DPP10: variants seen among roughly 807,000 people sequenced by gnomAD.
DPP10 encodes the protein dipeptidyl peptidase like 10, also known as inactive dipeptidyl peptidase 10.
In DPP10, 33 loss-of-function variants were observed where a neutral mutation model predicts 120.9. That is an observed-to-expected ratio of 0.27 (90% CI 0.21 to 0.37). The LOEUF (loss-of-function observed/expected upper bound fraction) is 0.37. DPP10 is among the 10% of genes least tolerant of loss of function. The probability of loss-of-function intolerance (pLI) is 1.00; values close to 1 mark genes in which losing one functional copy is unlikely to be tolerated. For missense variants in DPP10, 816 were observed against 942.8 expected, an observed-to-expected ratio of 0.87 and a Z score of 1.76; for synonymous variants, 337 against 326.1, an observed-to-expected ratio of 1.03 and a Z score of -0.36.
At chr2:114,671,848 C>T (rs1482913649) in intron 1 of DPP10, among the ~76,000 whole-genome samples, 2 of 152,088 alleles carry the variant, frequency 1.3e-5, no homozygotes, top group Non-Finnish European at 2.9e-5. Context: ...ATATATTAAG[C>T]ATCTACTAAA....
At chr2:114,835,279 CATATCTACACACCT>C (rs1179695746) in intron 1 of DPP10, 3 of 147,204 alleles carry the variant, frequency 2.0e-5, no homozygotes, top group South Asian at 2.2e-4. Context: ...ATATATAGGC[CATATCTACACACCT>C]ATGTATATAT....
intron 1 of DPP10, among the ~76,000 whole-genome samples, chr2:114,851,735 T>C (rs181360473): frequency 6.6e-6 from 1 of 152,290 alleles, no homozygotes; most frequent in East Asian, 1.9e-4. Context: ...TGGTTTTCAA[T>C]CATGTAGGTC....
chr2:115,444,367 C>T lies in DPP10; in HGVS notation c.272-55143C>T, dbSNP rs577149219. On this transcript the variant is annotated intron_variant, in intron 3 of 25. Transcript: ENST00000410059. ...TTAACATGACGGTTAGACTCAGGCA[C>T]CTGCACTTTCCAAAGATCTTTGAAC... Among the ~76,000 whole-genome samples, 7 of 152,252 alleles carry T rather than the reference C, an allele frequency of 4.6e-5. No homozygotes were observed. In the South Asian group the frequency reaches 1.2e-3, roughly 27 times the overall value.
At chr2:115,006,181 AC>A (rs1341679126) in intron 1 of DPP10, among the ~76,000 whole-genome samples, 1 of 152,126 alleles carries the variant, frequency 6.6e-6, no homozygotes, top group Non-Finnish European at 1.5e-5. Flanking sequence ...AGATTTTGTC[AC>A]CACCAGGCCT....
At chr2:114,944,994 T>A (rs2104598983) in intron 1 of DPP10, among the ~76,000 whole-genome samples, 1 of 152,346 alleles carries the variant, frequency 6.6e-6, no homozygotes, top group South Asian at 2.1e-4. Context: ...GAGAAAAGGT[T>A]AGTCTCTTCA....
At chr2:114,617,357 G>A (rs1408133076) in intron 1 of DPP10, among the ~76,000 whole-genome samples, 1 of 152,078 alleles carries the variant, frequency 6.6e-6, no homozygotes, top group Non-Finnish European at 1.5e-5. Flanking sequence ...GAATTATTTA[G>A]AGTTTATAGC....
chr2:115,358,905 T>C (rs1025548273), intron 3 of DPP10, among the ~76,000 whole-genome samples: 1 of 152,118 alleles, frequency 6.6e-6, no homozygotes, highest in Non-Finnish European at 1.5e-5. Context: ...ACTCACTCAC[T>C]ATCACAAGAA....
At chr2:115,181,461 CAT>C (rs1491105300) in intron 1 of DPP10, among the ~76,000 whole-genome samples, 2 of 152,166 alleles carry the variant, frequency 1.3e-5, no homozygotes, top group Non-Finnish European at 2.9e-5. Flanking sequence ...AGACTTCACT[CAT>C]ATGTCTTGTA....
At chr2:115,137,165 G>A (rs949549049) in intron 1 of DPP10, among the ~76,000 whole-genome samples, 2 of 152,180 alleles carry the variant, frequency 1.3e-5, no homozygotes, top group African/African-American at 2.4e-5. Context: ...GGCATATCCA[G>A]CATCACCTTT....
At chr2:114,517,521 CA>C (rs70937285) in intron 1 of DPP10, among the ~76,000 whole-genome samples, 37,380 of 123,714 alleles carry the variant, frequency 0.3, 4,444 homozygotes, top group Non-Finnish European at 0.37. Context: ...GACTCCGTCT[CA>C]AAAAAAAAAA....
intron 1 of DPP10, among the ~76,000 whole-genome samples, chr2:114,971,974 G>A (rs1205062669): frequency 1.3e-5 from 2 of 152,134 alleles, no homozygotes. Flanking sequence ...TGGATTCAGT[G>A]TGTCATCCTT....
chr2:115,625,838 A>G (rs2085314344), intron 5 of DPP10, among the ~76,000 whole-genome samples: 1 of 152,058 alleles, frequency 6.6e-6, no homozygotes, highest in African/African-American at 2.4e-5. Flanking sequence ...AAGAATGAAG[A>G]AAGTTTTCTC....
At chr2:115,059,283 T>A (rs1282265461) in intron 1 of DPP10, among the ~76,000 whole-genome samples, 1 of 151,998 alleles carries the variant, frequency 6.6e-6, no homozygotes, top group East Asian at 1.9e-4. Context: ...CACGCAAGTT[T>A]TAAAGAGTCC....
rs575820544 is a variant in DPP10, at chr2:114,561,453, C to T, written c.60+118615C>T. 4.6e-5 allele frequency among the ~76,000 whole-genome samples: 7 copies of T among 152,230 alleles called. No individual in the cohort carries two copies. In the East Asian group the frequency reaches 9.7e-4, roughly 21 times the overall value. Reference sequence around the variant, plus strand: ...TAAACACCCACACACGTACACACCACATACACATACACACACGACACACCA... The same window carrying T: ...TAAACACCCACACACGTACACACCATATACACATACACACACGACACACCA... On this transcript the variant is annotated intron_variant, in intron 1 of 25. Coordinates refer to ENST00000410059, the MANE Select transcript of DPP10 (RefSeq NM_020868.6).
At chr2:115,361,144 G>A (rs1302576288) in intron 3 of DPP10, among the ~76,000 whole-genome samples, 2 of 151,986 alleles carry the variant, frequency 1.3e-5, no homozygotes, top group Admixed American at 1.3e-4. Flanking sequence ...TGGTCTTCCA[G>A]AGCATGGTAT....
intron 1 of DPP10, among the ~76,000 whole-genome samples, chr2:114,784,491 C>T (rs932179890): frequency 6.6e-6 from 1 of 152,092 alleles, no homozygotes; most frequent in Non-Finnish European, 1.5e-5. Flanking sequence ...CTGGCGACTG[C>T]CTATTACATA....
At chr2:115,797,170 A>G (rs1559165436) in intron 19 of DPP10, among the ~76,000 whole-genome samples, 1 of 152,088 alleles carries the variant, frequency 6.6e-6, no homozygotes, top group Non-Finnish European at 1.5e-5. Flanking sequence ...TATACAAATC[A>G]TGACTGAGTT....
chr2:115,379,858 C>G (rs192438737), intron 3 of DPP10, among the ~76,000 whole-genome samples: 2 of 152,052 alleles, frequency 1.3e-5, no homozygotes, highest in African/African-American at 4.8e-5. Flanking sequence ...TGGAGTTGAG[C>G]GGTTTTGAGT....
intron 1 of DPP10, among the ~76,000 whole-genome samples, chr2:114,927,694 T>C (rs1056492189): frequency 1.3e-5 from 2 of 152,208 alleles, no homozygotes; most frequent in Non-Finnish European, 2.9e-5. Context: ...TTTCACAGTA[T>C]CTTAGTCCAT....
Sources: gnomAD v4.1 joint callset for allele counts (sites outside exome capture counted in the v4.1 genomes callset) on GRCh38, gnomAD v4.1.1 for gene constraint, MANE v1.5 for transcripts, NCBI Gene and HGNC (gene_info 2026-07-23, HGNC 2026-07-21) for gene names.